The following AGBL4 variants were observed in gnomAD, a reference collection of about 807,000 sequenced individuals.
AGBL4 encodes the protein cytosolic carboxypeptidase 6.
AGBL4 carries 58 observed loss-of-function variants against 66.4 expected under a neutral mutation model. That is an observed-to-expected ratio of 0.87 (90% CI 0.71 to 1.09). The LOEUF is 1.09. AGBL4 is among the 50% of genes least tolerant of loss of function. The pLI, the probability that AGBL4 is intolerant of heterozygous loss-of-function variation, is 0.00. For missense variants in AGBL4, 579 were observed against 631.0 expected (o/e 0.92, Z 0.88); for synonymous variants, 234 against 222.9 (o/e 1.05, Z -0.44).
chr1:49,882,501 T>C (rs1647493962), intron 1 of AGBL4, among the ~76,000 whole-genome samples: 1 of 151,966 alleles, frequency 6.6e-6, no homozygotes, highest in African/African-American at 2.4e-5. Context: ...TTCACGATAT[T>C]GATTCTTCCT....
intron 6 of AGBL4, among the ~76,000 whole-genome samples, chr1:48,673,921 A>G (rs1646318346): frequency 6.6e-6 from 1 of 152,180 alleles, no homozygotes; most frequent in Admixed American, 6.5e-5. Context: ...ACAACCACAG[A>G]AGCCTCCTGC....
intron 5 of AGBL4, among the ~76,000 whole-genome samples, chr1:48,988,718 A>G (rs1225518436): frequency 2.0e-5 from 3 of 152,158 alleles, no homozygotes; most frequent in African/African-American, 7.2e-5. Context: ...CAGATAAAGG[A>G]GAGAAAAATT....
At chr1:49,530,628 T>C (rs1213614203) in intron 3 of AGBL4, among the ~76,000 whole-genome samples, 1 of 152,030 alleles carries the variant, frequency 6.6e-6, no homozygotes, top group Non-Finnish European at 1.5e-5. Flanking sequence ...CACCATCCTA[T>C]TTGATAATAT....
At position 49,148,507 on chromosome 1, in the gene AGBL4, G is replaced by A. The variant is rs118108149; in HGVS notation, c.377+97263C>T. ...TGAAACTGCTGAGCCAGGCGCAGTA[G>A]TGCCTTCTGACTGTGGTAAGTGGGG... is the stretch of plus-strand genomic sequence containing the variant. On this transcript the variant is annotated intron_variant, in intron 4 of 13. Coordinates refer to ENST00000371839, the MANE Select transcript of AGBL4 (RefSeq NM_032785.4). 4.1e-4 allele frequency among the ~76,000 whole-genome samples: 63 copies of A among 152,294 alleles called. No individual in the cohort carries two copies. The East Asian group carries it at 0.012, about 28-fold the overall frequency.
intron 3 of AGBL4, among the ~76,000 whole-genome samples, chr1:49,546,054 C>A (rs1652454547): frequency 6.6e-6 from 1 of 152,074 alleles, no homozygotes; most frequent in Non-Finnish European, 1.5e-5. Flanking sequence ...CCAAAGTCCC[C>A]ACAGGCCATT....
chr1:48,661,289 A>C (rs1646103535), intron 7 of AGBL4, among the ~76,000 whole-genome samples: 1 of 152,160 alleles, frequency 6.6e-6, no homozygotes, highest in Non-Finnish European at 1.5e-5. Flanking sequence ...GAGCCCTGTG[A>C]GATGGATGGG....
chr1:48,541,002 G>T (rs1299146261), intron 11 of AGBL4, among the ~76,000 whole-genome samples: 4 of 152,188 alleles, frequency 2.6e-5, no homozygotes, highest in Non-Finnish European at 4.4e-5. Context: ...ATCTCTGAGT[G>T]TGATTTACCG....
At chr1:49,166,722 TGCCAATTCTAACCTG>T (rs1326809328) in intron 4 of AGBL4, among the ~76,000 whole-genome samples, 4 of 152,158 alleles carry the variant, frequency 2.6e-5, no homozygotes, top group Non-Finnish European at 5.9e-5. Context: ...ATCACCTTTA[TGCCAATTCTAACCTG>T]GCTCTTCATA....
intron 4 of AGBL4, among the ~76,000 whole-genome samples, chr1:49,108,505 AC>A: frequency 6.6e-6 from 1 of 152,242 alleles, no homozygotes; most frequent in East Asian, 1.9e-4. Flanking sequence ...AATGAACAAA[AC>A]TGTATCTAGA....
intron 4 of AGBL4, among the ~76,000 whole-genome samples, chr1:49,218,717 T>C (rs1381657356): frequency 3.3e-5 from 5 of 152,132 alleles, no homozygotes; most frequent in Non-Finnish European, 1.5e-5. Context: ...CCCTCTGATA[T>C]GGTTTGGCTA....
chr1:49,995,114 A>G (rs1456462008), intron 1 of AGBL4: 2 of 456,098 alleles, frequency 4.4e-6, no homozygotes, highest in African/African-American at 2.0e-5. Context: ...AACAATTTCA[A>G]GTAAACTCAA....
chr1:48,982,930 A>C (rs1386053773), intron 5 of AGBL4, among the ~76,000 whole-genome samples: 1 of 152,070 alleles, frequency 6.6e-6, no homozygotes, highest in Admixed American at 6.6e-5. Flanking sequence ...TGTGGTTTTG[A>C]TTTGCATTTC....
At chr1:49,818,842 AC>A (rs1645296121) in intron 2 of AGBL4, among the ~76,000 whole-genome samples, 1 of 152,142 alleles carries the variant, frequency 6.6e-6, no homozygotes, top group African/African-American at 2.4e-5. Flanking sequence ...ATTACTTTTG[AC>A]AAATTGATAA....
At chr1:48,686,295 A>C (rs542930446) in intron 6 of AGBL4, among the ~76,000 whole-genome samples, 1 of 152,304 alleles carries the variant, frequency 6.6e-6, no homozygotes, top group South Asian at 2.1e-4. Context: ...CCTCTGCTGA[A>C]GCAAGTTCAC....
intron 5 of AGBL4, among the ~76,000 whole-genome samples, chr1:48,956,179 T>C (rs1438009271): frequency 3.3e-5 from 5 of 152,234 alleles, no homozygotes; most frequent in African/African-American, 1.2e-4. Context: ...ACATGGCCAA[T>C]GCAGGACTGC....
chr1:49,955,324 C>A lies in AGBL4; in HGVS notation c.34+68439G>T, dbSNP rs180792511. On this transcript the variant is annotated intron_variant, in intron 1 of 13. Transcript: ENST00000371839. ...AAACAAAGTTTCACTATAAAACAATCCATTTGTGATTGTAATAAGAACACT... is the reference window on the plus strand; with the variant it reads ...AAACAAAGTTTCACTATAAAACAATACATTTGTGATTGTAATAAGAACACT... 3.9e-4 allele frequency among the ~76,000 whole-genome samples: 60 copies of A among 152,010 alleles called. No homozygotes were observed. In the East Asian group the frequency reaches 8.0e-3, roughly 20 times the overall value.
At chr1:49,402,696 T>C (rs1036237883) in intron 3 of AGBL4, among the ~76,000 whole-genome samples, 1 of 151,914 alleles carries the variant, frequency 6.6e-6, no homozygotes, top group Non-Finnish European at 1.5e-5. Flanking sequence ...GCCTCCTGAG[T>C]AGCTGGGATT....
At chr1:49,937,670 C>T (rs563611245) in intron 1 of AGBL4, among the ~76,000 whole-genome samples, 11 of 152,188 alleles carry the variant, frequency 7.2e-5, no homozygotes, top group East Asian at 1.9e-4. Flanking sequence ...CAAACTAGAA[C>T]GCAGGATTAA....
At chr1:48,790,461 TAG>T (rs781032838) in intron 6 of AGBL4, among the ~76,000 whole-genome samples, 4 of 152,094 alleles carry the variant, frequency 2.6e-5, no homozygotes, top group African/African-American at 4.8e-5. Context: ...CACCTTAAAA[TAG>T]AGTTATGAAA....
Sources: gnomAD v4.1 joint callset for allele counts (sites outside exome capture counted in the v4.1 genomes callset) on GRCh38, gnomAD v4.1.1 for gene constraint, MANE v1.5 for transcripts, NCBI Gene and HGNC (gene_info 2026-07-23, HGNC 2026-07-21) for gene names.